KIAA1217: variants seen among roughly 807,000 people sequenced by gnomAD.
KIAA1217 encodes the protein KIAA1217, also known as sickle tail protein homolog.
Under a neutral mutation model 163.9 loss-of-function variants are expected in KIAA1217, and 88 were observed. The ratio of observed to expected loss-of-function variants is 0.54; its 90% confidence interval spans 0.45 to 0.64. The LOEUF (loss-of-function observed/expected upper bound fraction) is 0.64, where lower values mean the gene tolerates loss of function less well. Ranked by LOEUF, KIAA1217 falls within the 30% of genes least tolerant of loss-of-function variation. The pLI is 0.00. For synonymous variants in KIAA1217, 903 were observed against 923.1 expected (o/e 0.98, Z 0.39); for missense variants, 2,372 against 2,475.0 (o/e 0.96, Z 0.88).
intron 1 of KIAA1217, among the ~76,000 whole-genome samples, chr10:23,790,444 CATATATACATGTGCATATATACAT>C: frequency 1.0e-5 from 1 of 97,242 alleles, no homozygotes; most frequent in African/African-American, 5.6e-5. Context: ...TACATATATA[CATATATACATGTGCATATATACAT>C]ATATACATGT....
At chr10:23,799,787 C>A (rs1406474157) in intron 1 of KIAA1217, among the ~76,000 whole-genome samples, 1 of 152,132 alleles carries the variant, frequency 6.6e-6, no homozygotes, top group African/African-American at 2.4e-5. Context: ...CTGCCATTCT[C>A]TTCTGAAATG....
chr10:23,989,049 A>AT (rs1361520792), intron 1 of KIAA1217, among the ~76,000 whole-genome samples: 1 of 152,196 alleles, frequency 6.6e-6, no homozygotes, highest in Non-Finnish European at 1.5e-5. Context: ...ATTTCTGAAC[A>AT]TTTTTCTATT....
chr10:24,187,386 C>T (rs182797863), intron 2 of KIAA1217, among the ~76,000 whole-genome samples: 140 of 152,234 alleles, frequency 9.2e-4, no homozygotes, highest in Admixed American at 2.6e-3. Flanking sequence ...TCAGAGGGTC[C>T]GGCTTCCAAA....
chr10:23,839,720 C>T (rs1035097778), intron 1 of KIAA1217, among the ~76,000 whole-genome samples: 5 of 152,136 alleles, frequency 3.3e-5, no homozygotes, highest in African/African-American at 1.2e-4. Flanking sequence ...GAAAAACTAT[C>T]GCCTCTCCAT....
intron 1 of KIAA1217, among the ~76,000 whole-genome samples, chr10:23,725,482 G>T (rs778704554): frequency 6.6e-6 from 1 of 152,202 alleles, no homozygotes; most frequent in Non-Finnish European, 1.5e-5. Flanking sequence ...GTGGGTGAAT[G>T]CTGATTCATG....
chr10:24,239,697 T>TGTTTG (rs2072811198), intron 2 of KIAA1217, among the ~76,000 whole-genome samples: 1 of 81,030 alleles, frequency 1.2e-5, no homozygotes, highest in Non-Finnish European at 3.0e-5. Flanking sequence ...GTGTGTGTGT[T>TGTTTG]TGTGTGTGTG....
intron 3 of KIAA1217, among the ~76,000 whole-genome samples, chr10:24,426,318 G>C (rs1467791339): frequency 6.6e-6 from 1 of 152,020 alleles, no homozygotes; most frequent in Non-Finnish European, 1.5e-5. Context: ...AAACCATAAT[G>C]CAGGATTAAA....
intron 2 of KIAA1217, among the ~76,000 whole-genome samples, chr10:24,093,492 C>T (rs1405739184): frequency 6.6e-6 from 1 of 151,206 alleles, no homozygotes; most frequent in Non-Finnish European, 1.5e-5. Context: ...TCAGTAGAGA[C>T]AAGGTCTCAC....
At chr10:24,178,894 T>C (rs1284240952) in intron 2 of KIAA1217, among the ~76,000 whole-genome samples, 2 of 152,216 alleles carry the variant, frequency 1.3e-5, no homozygotes, top group Admixed American at 6.5e-5. Flanking sequence ...TTCTTTTAAG[T>C]ATCCCAAATT....
At chr10:24,066,789 G>C (rs967785122) in intron 2 of KIAA1217, among the ~76,000 whole-genome samples, 8 of 152,282 alleles carry the variant, frequency 5.3e-5, no homozygotes, top group Non-Finnish European at 1.0e-4. Flanking sequence ...CCAATTAGAC[G>C]TAGATTTCGT....
intron 1 of KIAA1217, among the ~76,000 whole-genome samples, chr10:24,000,114 T>A (rs1251169158): frequency 6.6e-6 from 1 of 152,146 alleles, no homozygotes; most frequent in Non-Finnish European, 1.5e-5. Flanking sequence ...GTTGGAAGCA[T>A]GGTTCATATA....
chr10:23,925,519 C>T (rs1842987656), intron 1 of KIAA1217, among the ~76,000 whole-genome samples: 2 of 152,234 alleles, frequency 1.3e-5, no homozygotes, highest in South Asian at 4.1e-4. Context: ...TTTTCCAACT[C>T]GTTTAATACA....
intron 1 of KIAA1217, among the ~76,000 whole-genome samples, chr10:23,840,150 A>G (rs1401837009): frequency 6.6e-6 from 1 of 150,708 alleles, no homozygotes; most frequent in Non-Finnish European, 1.5e-5. Context: ...ATGCTCTTGT[A>G]ATTACGCTTC....
intron 2 of KIAA1217, among the ~76,000 whole-genome samples, chr10:24,352,761 G>C (rs756790712): frequency 5.3e-5 from 8 of 152,160 alleles, no homozygotes; most frequent in Non-Finnish European, 7.4e-5. Flanking sequence ...ATGTCAAAAA[G>C]AAAGGGATTC....
intron 1 of KIAA1217, among the ~76,000 whole-genome samples, chr10:23,959,640 A>G (rs1270140096): frequency 6.6e-6 from 1 of 152,174 alleles, no homozygotes; most frequent in Non-Finnish European, 1.5e-5. Context: ...AGAAACAGGG[A>G]AACTTGTGTA....
At position 24,494,603 on chromosome 10, in the gene KIAA1217, A is replaced by C; in HGVS notation, c.1783A>C (p.Ser595Arg). ...TACAAGTTATAGCAAAGATGCGTCT[A>C]GGTAAAAAAGAAGAAAGCCAATGAA... Reference protein sequence around the residue: ...PITSYSKDASSEKMMKTTANR... With the variant: ...PITSYSKDASREKMMKTTANR... The change falls in exon 7 of 21, where the codon AGC becomes CGC. Residue 595 changes from serine to arginine, a missense_variant and splice_region_variant. Ser to Arg is a moderately radical substitution (Grantham distance 110). Transcript: ENST00000376454. 1 of 1,590,268 alleles carries C rather than the reference A, an allele frequency of 6.3e-7. No homozygotes were observed. Among genetic ancestry groups the C allele is most frequent in the Non-Finnish European group, 8.6e-7 (1 of 1,163,298 alleles).
intron 20 of KIAA1217, chr10:24,545,581 G>A (rs2075648821): frequency 7.3e-7 from 1 of 1,369,056 alleles, no homozygotes; most frequent in Admixed American, 3.5e-5. Context: ...GGTAGAGCTG[G>A]AATGATGGGA....
At chr10:24,140,797 G>A (rs2064033798) in intron 2 of KIAA1217, among the ~76,000 whole-genome samples, 2 of 152,170 alleles carry the variant, frequency 1.3e-5, no homozygotes, top group Admixed American at 1.3e-4. Flanking sequence ...TTTAGTGGTT[G>A]CGAACGTTAC....
At chr10:24,045,005 C>T (rs561184393) in intron 2 of KIAA1217, among the ~76,000 whole-genome samples, 2 of 152,108 alleles carry the variant, frequency 1.3e-5, no homozygotes, top group Admixed American at 1.3e-4. Context: ...AAAGCACATT[C>T]CCAATAAGCT....
Sources: allele counts gnomAD v4.1 joint callset (sites outside exome capture counted in the v4.1 genomes callset), GRCh38; gene constraint gnomAD v4.1.1; transcripts MANE v1.5; gene names NCBI Gene and HGNC (gene_info 2026-07-23, HGNC 2026-07-21).